The following RSRC1 variants were observed in gnomAD, a reference collection of about 807,000 sequenced individuals.
RSRC1 encodes the protein arginine and serine rich coiled-coil 1, also known as serine/Arginine-related protein 53.
Under a neutral mutation model 49.1 loss-of-function variants are expected in RSRC1, and 39 were observed. That is an observed-to-expected ratio of 0.79 (90% CI 0.61 to 1.04). RSRC1 has a LOEUF of 1.04. Ranked by LOEUF, RSRC1 falls within the 50% of genes least tolerant of loss-of-function variation. The pLI is 0.00. For missense variants in RSRC1, 388 were observed against 402.4 expected (o/e 0.96, Z 0.31); for synonymous variants, 143 against 130.8 (o/e 1.09, Z -0.63).
intron 3 of RSRC1, among the ~76,000 whole-genome samples, chr3:158,199,906 C>G (rs1219787088): frequency 6.6e-6 from 1 of 152,106 alleles, no homozygotes; most frequent in African/African-American, 2.4e-5. Context: ...TGAATTGACC[C>G]TTTTGATCAT....
chr3:158,344,131 C>T (rs768697074), intron 5 of RSRC1, among the ~76,000 whole-genome samples: 5 of 152,154 alleles, frequency 3.3e-5, no homozygotes, highest in African/African-American at 4.8e-5. Context: ...TGGTGCCATG[C>T]GCCTGTAATC....
At chr3:158,158,312 A>C (rs1486211820) in intron 3 of RSRC1, among the ~76,000 whole-genome samples, 1 of 152,074 alleles carries the variant, frequency 6.6e-6, no homozygotes, top group Non-Finnish European at 1.5e-5. Context: ...CTGACTTCGT[A>C]TATGTAGATG....
chr3:158,383,884 C>T (rs906658323), intron 6 of RSRC1, among the ~76,000 whole-genome samples: 2 of 151,992 alleles, frequency 1.3e-5, no homozygotes, highest in African/African-American at 4.8e-5. Flanking sequence ...CAAAGATTCA[C>T]ATACATGGGA....
intron 6 of RSRC1, among the ~76,000 whole-genome samples, chr3:158,459,962 A>G (rs12631704): frequency 0.19 from 28,442 of 151,806 alleles, 3,046 homozygotes; most frequent in South Asian, 0.28. Context: ...TTATACTTCT[A>G]AAGGATGTGT....
chr3:158,212,516 G>A (rs1259187297), intron 4 of RSRC1, among the ~76,000 whole-genome samples: 2 of 151,830 alleles, frequency 1.3e-5, no homozygotes, highest in Admixed American at 1.3e-4. Context: ...TAAAATTCCA[G>A]TCCTGATTGA....
intron 4 of RSRC1, among the ~76,000 whole-genome samples, chr3:158,244,237 A>G (rs1023470722): frequency 2.6e-5 from 4 of 152,110 alleles, no homozygotes; most frequent in Non-Finnish European, 4.4e-5. Context: ...TTGCCCATTC[A>G]GTTGATATTG....
chr3:158,311,334 T>C lies in RSRC1; in HGVS notation c.531+13259T>C, dbSNP rs906648306. ...GTATATGCTAATTTTTTTCATTTAT[T>C]GGATGAATATTTTAAATGCTCCAGA... is the stretch of plus-strand genomic sequence containing the variant. On this transcript the variant is annotated intron_variant, in intron 5 of 9. Coordinates refer to ENST00000611884, the MANE Select transcript of RSRC1 (RefSeq NM_001271838.2). 6.2e-4 allele frequency among the ~76,000 whole-genome samples: 95 copies of C among 152,068 alleles called. 1 individual carries two copies. Among genetic ancestry groups the C allele is most frequent in the African/African-American group, 2.3e-3 (95 of 41,552 alleles).
chr3:158,148,791 T>G (rs547625746), intron 3 of RSRC1, among the ~76,000 whole-genome samples: 18 of 152,226 alleles, frequency 1.2e-4, no homozygotes, highest in Admixed American at 1.0e-3. Flanking sequence ...ATATACTTTT[T>G]TTTTTTTTTG....
intron 3 of RSRC1, among the ~76,000 whole-genome samples, chr3:158,161,778 A>G (rs960592063): frequency 2.0e-5 from 3 of 152,124 alleles, no homozygotes; most frequent in African/African-American, 4.8e-5. Flanking sequence ...ACATACATAC[A>G]TACATAAAAT....
chr3:158,322,743 T>A (rs1331238364), intron 5 of RSRC1, among the ~76,000 whole-genome samples: 1 of 152,222 alleles, frequency 6.6e-6, no homozygotes, highest in African/African-American at 2.4e-5. Context: ...TACATGTATG[T>A]TAGGATATTT....
chr3:158,314,892 C>T (rs1728336565), intron 5 of RSRC1, among the ~76,000 whole-genome samples: 1 of 151,992 alleles, frequency 6.6e-6, no homozygotes, highest in Non-Finnish European at 1.5e-5. Flanking sequence ...ATCAGCCGAG[C>T]GTGGTGGCAA....
chr3:158,231,476 A>G (rs573295109), intron 4 of RSRC1, among the ~76,000 whole-genome samples: 24 of 152,162 alleles, frequency 1.6e-4, no homozygotes, highest in East Asian at 1.5e-3. Flanking sequence ...AATGGCTTCA[A>G]AATTACTAAG....
intron 3 of RSRC1, among the ~76,000 whole-genome samples, chr3:158,186,064 T>C (rs1203015394): frequency 1.3e-5 from 2 of 151,986 alleles, no homozygotes; most frequent in African/African-American, 4.8e-5. Flanking sequence ...TTATGATTTT[T>C]TTCAAAGCAG....
chr3:158,147,102 C>CTTTTTTTTTTT (rs35460810), intron 3 of RSRC1, among the ~76,000 whole-genome samples: 55 of 34,730 alleles, frequency 1.6e-3, no homozygotes, highest in African/African-American at 7.3e-3. Context: ...GCTTTTCTGC[C>CTTTTTTTTTTT]TTTTTTTTTT....
chr3:158,433,900 A>G (rs746056841), intron 6 of RSRC1, among the ~76,000 whole-genome samples: 12 of 152,012 alleles, frequency 7.9e-5, no homozygotes, highest in Non-Finnish European at 1.3e-4. Context: ...CTATTAAAGC[A>G]GAATATATAT....
chr3:158,137,381 A>G (rs1394439092), intron 3 of RSRC1, among the ~76,000 whole-genome samples: 1 of 144,768 alleles, frequency 6.9e-6, no homozygotes, highest in Non-Finnish European at 1.5e-5. Context: ...TTTTATGGAG[A>G]TATATAATAC....
chr3:158,130,769 A>G (rs987929322), intron 3 of RSRC1, among the ~76,000 whole-genome samples: 12 of 152,194 alleles, frequency 7.9e-5, no homozygotes, highest in African/African-American at 2.7e-4. Context: ...GGATTAGTGT[A>G]TGTAGAAATA....
At chr3:158,473,784 A>G (rs1738250422) in intron 7 of RSRC1, among the ~76,000 whole-genome samples, 2 of 152,272 alleles carry the variant, frequency 1.3e-5, no homozygotes, top group South Asian at 4.1e-4. Context: ...CAATAAATAT[A>G]GTAATATAAA....
intron 7 of RSRC1, among the ~76,000 whole-genome samples, chr3:158,507,857 G>A (rs1739936601): frequency 1.3e-5 from 2 of 152,106 alleles, no homozygotes; most frequent in Admixed American, 1.3e-4. Context: ...AGGAATGCTT[G>A]AACTCAGGAG....
Sources: allele counts gnomAD v4.1 joint callset (sites outside exome capture counted in the v4.1 genomes callset), GRCh38; gene constraint gnomAD v4.1.1; transcripts MANE v1.5; gene names NCBI Gene and HGNC (gene_info 2026-07-23, HGNC 2026-07-21).